CDKAL1: variants seen among roughly 807,000 people sequenced by gnomAD.
The protein encoded by CDKAL1 is threonylcarbamoyladenosine tRNA methylthiotransferase.
CDKAL1 carries 32 observed loss-of-function variants against 68.2 expected under a neutral mutation model. The observed-to-expected ratio is 0.47, with a 90% CI of 0.35 to 0.63. CDKAL1 has a LOEUF of 0.63. CDKAL1 is among the 30% of genes least tolerant of loss of function. The pLI is 0.00. For missense variants in CDKAL1, 606 were observed against 696.7 expected (o/e 0.87, Z 1.47); for synonymous variants, 234 against 244.3 (o/e 0.96, Z 0.39).
At chr6:20,576,693 C>G (rs1764929733) in intron 4 of CDKAL1, among the ~76,000 whole-genome samples, 1 of 152,136 alleles carries the variant, frequency 6.6e-6, no homozygotes, top group African/African-American at 2.4e-5. Context: ...AAACTCTATG[C>G]TAGTCCTTAT....
chr6:20,733,916 A>G (rs994416801), intron 5 of CDKAL1, among the ~76,000 whole-genome samples: 16 of 152,144 alleles, frequency 1.1e-4, no homozygotes, highest in Non-Finnish European at 2.1e-4. Flanking sequence ...TGGGAGGCTG[A>G]GGTGGGTGGA....
At chr6:20,714,342 A>G (rs1236860605) in intron 5 of CDKAL1, among the ~76,000 whole-genome samples, 2 of 144,932 alleles carry the variant, frequency 1.4e-5, no homozygotes, top group African/African-American at 5.0e-5. Context: ...CCCAAATTCA[A>G]TGCTTTTGTT....
chr6:20,837,359 A>G (rs1159809490), intron 8 of CDKAL1, among the ~76,000 whole-genome samples: 1 of 152,094 alleles, frequency 6.6e-6, no homozygotes, highest in African/African-American at 2.4e-5. Context: ...CCCAGGCGCC[A>G]AAATATGGTA....
chr6:21,204,772 G>A (rs972193311), intron 15 of CDKAL1, among the ~76,000 whole-genome samples: 7 of 148,438 alleles, frequency 4.7e-5, no homozygotes, highest in East Asian at 1.9e-4. Flanking sequence ...CTTTGTTTTC[G>A]TTTTTGTGTG....
chr6:21,008,171 A>G (rs890971447), intron 11 of CDKAL1, among the ~76,000 whole-genome samples: 1 of 152,152 alleles, frequency 6.6e-6, no homozygotes, highest in Non-Finnish European at 1.5e-5. Flanking sequence ...AAAATCTAGG[A>G]TAGAGCCCCC....
intron 9 of CDKAL1, among the ~76,000 whole-genome samples, chr6:20,946,737 C>T (rs897091346): frequency 5.3e-5 from 8 of 151,922 alleles, no homozygotes; most frequent in Non-Finnish European, 8.8e-5. Context: ...GCTGGGATTA[C>T]AGGCATGCGC....
intron 13 of CDKAL1, among the ~76,000 whole-genome samples, chr6:21,145,054 C>T (rs982557278): frequency 1.3e-5 from 2 of 152,114 alleles, no homozygotes; most frequent in African/African-American, 4.8e-5. Flanking sequence ...CTGCCCAGAG[C>T]CTTCAGGATT....
chr6:21,120,197 T>C (rs9366379), intron 13 of CDKAL1, among the ~76,000 whole-genome samples: 44,092 of 152,166 alleles, frequency 0.29, 6,913 homozygotes, highest in East Asian at 0.67. Context: ...TTACAATCCA[T>C]TGGGGCAGGG....
At chr6:21,205,159 C>A (rs1778853868) in intron 15 of CDKAL1, among the ~76,000 whole-genome samples, 1 of 152,186 alleles carries the variant, frequency 6.6e-6, no homozygotes, top group African/African-American at 2.4e-5. Flanking sequence ...AAATACTATT[C>A]CATTGGATGT....
chr6:21,004,799 T>A (rs1017397072), intron 11 of CDKAL1, among the ~76,000 whole-genome samples: 2 of 151,546 alleles, frequency 1.3e-5, no homozygotes, highest in Non-Finnish European at 2.9e-5. Context: ...TACAAAAAAA[T>A]AAAAATAAAA....
Position 20,534,518 on chromosome 6 carries a change from G to T in CDKAL1, c.-106G>T, listed in dbSNP as rs180859908. 6.5e-6 allele frequency: 1 copy of T among 152,896 alleles called. No homozygotes were observed. The highest frequency in any genetic ancestry group is 1.9e-4 in the East Asian group (1 of 5,322). 9.5% of individuals were successfully genotyped at this position (152,896 alleles called of 1,614,324 possible). The stretch of plus-strand genomic sequence containing the variant: ...TCCATCTAAAGTCTGTGCAGCTTCC[G>T]GAGAGTGGCGGGTTGATTTTCTCAC... On this transcript the variant is annotated 5_prime_UTR_variant, in exon 1 of 16. Coordinates refer to ENST00000274695, the MANE Select transcript of CDKAL1 (RefSeq NM_017774.3).
intron 5 of CDKAL1, among the ~76,000 whole-genome samples, chr6:20,657,927 T>A (rs1418433701): frequency 6.6e-6 from 1 of 152,212 alleles, no homozygotes. Flanking sequence ...TACTAGTTCC[T>A]CTTGAGCATT....
chr6:20,625,193 G>C (rs1767372263), intron 4 of CDKAL1, among the ~76,000 whole-genome samples: 1 of 151,996 alleles, frequency 6.6e-6, no homozygotes, highest in Non-Finnish European at 1.5e-5. Flanking sequence ...GATGAGACTG[G>C]TATCTGTTTT....
At chr6:20,966,381 GTTA>G (rs1196359726) in intron 10 of CDKAL1, among the ~76,000 whole-genome samples, 1 of 152,134 alleles carries the variant, frequency 6.6e-6, no homozygotes, top group East Asian at 1.9e-4. Context: ...AAGGATTATT[GTTA>G]TTATAGACTC....
chr6:20,842,360 G>A (rs545383153), intron 8 of CDKAL1, among the ~76,000 whole-genome samples: 3 of 152,120 alleles, frequency 2.0e-5, no homozygotes, highest in Non-Finnish European at 4.4e-5. Context: ...ACGTACTCTT[G>A]TACCCTATAA....
chr6:21,060,548 T>C (rs1479769122), intron 11 of CDKAL1, among the ~76,000 whole-genome samples: 1 of 152,102 alleles, frequency 6.6e-6, no homozygotes, highest in African/African-American at 2.4e-5. Context: ...TTTACCTTTA[T>C]TATTTTCTTT....
chr6:21,133,536 C>T (rs748968247), intron 13 of CDKAL1, among the ~76,000 whole-genome samples: 2 of 152,208 alleles, frequency 1.3e-5, no homozygotes, highest in African/African-American at 2.4e-5. Context: ...GTGAGAACCT[C>T]ATTGTGGATA....
chr6:20,958,022 G>A (rs73375733), intron 10 of CDKAL1, among the ~76,000 whole-genome samples: 5,014 of 147,428 alleles, frequency 0.034, 281 homozygotes, highest in African/African-American at 0.12. Flanking sequence ...AAATTATAGA[G>A]CCCACACTGT....
intron 8 of CDKAL1, among the ~76,000 whole-genome samples, chr6:20,824,383 AGGGTCC>A (rs1777412505): frequency 6.6e-6 from 1 of 152,172 alleles, no homozygotes; most frequent in Non-Finnish European, 1.5e-5. Flanking sequence ...GGCATAATTT[AGGGTCC>A]TCTGCCAGGC....
Sources: allele counts gnomAD v4.1 joint callset (sites outside exome capture counted in the v4.1 genomes callset), GRCh38; gene constraint gnomAD v4.1.1; transcripts MANE v1.5; gene names NCBI Gene and HGNC (gene_info 2026-07-23, HGNC 2026-07-21).